Variants in WASHC5 observed in about 807,000 individuals in gnomAD.
WASHC5 encodes the protein WASH complex subunit strumpellin.
In WASHC5, 101 loss-of-function variants were observed where a neutral mutation model predicts 150.4. The ratio of observed to expected loss-of-function variants is 0.67; its 90% CI spans 0.57 to 0.79. WASHC5 has a LOEUF of 0.79. Ranked by LOEUF, WASHC5 falls within the 30% of genes least tolerant of loss-of-function variation. The pLI is 0.00. For synonymous variants in WASHC5, 467 were observed against 491.2 expected (o/e 0.95, Z 0.65); for missense variants, 1,195 against 1,396.3 (o/e 0.86, Z 2.30).
At chr8:125,030,962 G>A (rs1352340841) in intron 27 of WASHC5, among the ~76,000 whole-genome samples, 2 of 152,210 alleles carry the variant, frequency 1.3e-5, no homozygotes, top group African/African-American at 4.8e-5. Flanking sequence ...AAAGGAGGGA[G>A]ACTGCATTAT....
chr8:125,043,690 A>C, intron 23 of WASHC5, 135 bp downstream of exon 23: 1 of 689,778 alleles, frequency 1.4e-6, no homozygotes, highest in Non-Finnish European at 2.6e-6. Flanking sequence ...TAAAATGATA[A>C]ACTGAAGTAT....
rs961465401 is a variant in WASHC5 at position 125,037,093 on chromosome 8, C to T, written c.3181+144G>A. ...ATAAAAAGGCATTGTATTTCAAAGG[C>T]ATAAAGACTCGAATTTCATAAACAT... On this transcript the variant is annotated intron_variant, in intron 26 of 28. Coordinates refer to ENST00000318410, the MANE Select transcript of WASHC5 (RefSeq NM_014846.4). 9 of 647,292 alleles carry T rather than the reference C, an allele frequency of 1.4e-5. No individual in the cohort carries two copies. The African/African-American group carries it at 1.5e-4, about 11-fold the overall frequency. 40.1% of individuals were successfully genotyped at this position (647,292 alleles called of 1,614,324 possible).
intron 10 of WASHC5, among the ~76,000 whole-genome samples, chr8:125,064,656 TA>T (rs1816696731): frequency 6.6e-6 from 1 of 152,040 alleles, no homozygotes; most frequent in African/African-American, 2.4e-5. Context: ...TATTTCTCAC[TA>T]AAGGACACGC....
intron 12 of WASHC5, among the ~76,000 whole-genome samples, chr8:125,060,850 T>C (rs774819386): frequency 2.6e-5 from 4 of 152,228 alleles, no homozygotes; most frequent in Non-Finnish European, 4.4e-5. Context: ...GTTTCTAAGA[T>C]TACATGTTTC....
At chr8:125,052,928 GT>G (rs1295672376) in intron 17 of WASHC5, among the ~76,000 whole-genome samples, 1 of 152,050 alleles carries the variant, frequency 6.6e-6, no homozygotes, top group Non-Finnish European at 1.5e-5. Context: ...TACTTCAAAT[GT>G]GCTCAGAACA....
intron 26 of WASHC5, among the ~76,000 whole-genome samples, chr8:125,036,153 T>C (rs1336876930): frequency 2.0e-5 from 3 of 152,238 alleles, no homozygotes; most frequent in African/African-American, 7.2e-5. Context: ...TAAATATTAG[T>C]CTTATCTCCT....
At position 125,032,300 on chromosome 8, in the gene WASHC5, G is replaced by A. The variant is rs554772608; in HGVS notation, c.3276C>T (p.Thr1092=). Residue 1092 remains threonine (T), a synonymous_variant, in exon 27 of 29, where the codon ACC becomes ACT. Coordinates refer to ENST00000318410, the MANE Select transcript of WASHC5 (RefSeq NM_014846.4). ...TLLKQFHSRY[T]EQFLALIGQF... ...GGCCAATCAGCGCCAGGAACTGCTC[G>A]GTGTACCGGGAATGGAACTGCTTCA... is the stretch of plus-strand genomic sequence containing the variant. The A allele has an allele frequency of 2.2e-5, 35 of 1,614,144 alleles. No individual in the cohort carries two copies. Among genetic ancestry groups the A allele is most frequent in the South Asian group, 2.0e-4 (18 of 91,088 alleles).
intron 18 of WASHC5, among the ~76,000 whole-genome samples, chr8:125,049,908 T>C (rs1816188996): frequency 6.6e-6 from 1 of 151,746 alleles, no homozygotes; most frequent in African/African-American, 2.4e-5. Context: ...ATACTTTAAG[T>C]TTTGGAATAC....
Position 125,043,861 on chromosome 8 carries a change from CTG to C in WASHC5, c.2812_2813del (p.Gln938GlufsTer26), listed in dbSNP as rs1360638390. On this transcript the variant is annotated frameshift_variant, in exon 23 of 29. Transcript: ENST00000318410. LOFTEE classifies it high-confidence loss of function. Reference protein sequence around the residue: ...KIYFSAIAKTQKIWTAYLEAI... With the variant: ...KIYFSAIAKTXKIWTAYLEAI... Reference sequence around the variant, plus strand: ...CCTCGAGATACGCAGTCCAAATCTTCTGTGTTTTGGCAATGGCGGAAAAATAA... The same window carrying C: ...CCTCGAGATACGCAGTCCAAATCTTCTGTTTTGGCAATGGCGGAAAAATAA... The C allele has an allele frequency of 6.2e-7, 1 of 1,612,870 alleles. No homozygotes were observed. Among genetic ancestry groups the C allele is most frequent in the Non-Finnish European group, 8.5e-7 (1 of 1,179,010 alleles).
At chr8:125,066,867 TC>T (rs1206989163) in intron 10 of WASHC5, among the ~76,000 whole-genome samples, 1 of 152,200 alleles carries the variant, frequency 6.6e-6, no homozygotes, top group Non-Finnish European at 1.5e-5. Flanking sequence ...CACTAACAGA[TC>T]CCTTCCCCAG....
rs148051657 is a variant in WASHC5 at position 125,043,664 on chromosome 8, T to C, written c.2850+161A>G. 3.3e-3 allele frequency among the ~76,000 whole-genome samples: 507 copies of C among 152,318 alleles called. 1 individual carries two copies. The highest frequency in any genetic ancestry group is 0.012 in the African/African-American group (486 of 41,572). On this transcript the variant is annotated intron_variant, in intron 23 of 28. Transcript: ENST00000318410. Reference sequence around the variant, plus strand: ...TCAAGAACAGATCCAGAAACGGAGATAAACAAAATGAATTTTAAAATGATA... The same window carrying C: ...TCAAGAACAGATCCAGAAACGGAGACAAACAAAATGAATTTTAAAATGATA...
At position 125,059,271 on chromosome 8, in the gene WASHC5, A is replaced by T; in HGVS notation, c.1715T>A (p.Ile572Lys). 6.2e-7 allele frequency: 1 copy of T among 1,614,106 alleles called. No individual in the cohort carries two copies. The highest frequency in any genetic ancestry group is 8.5e-7 in the Non-Finnish European group (1 of 1,179,962). Residue 572 changes from isoleucine to lysine, a missense_variant, in exon 14 of 29, where the codon ATA becomes AAA. Physicochemically the swap from Ile to Lys is moderately radical, Grantham distance 102 (BLOSUM62 -3). Transcript: ENST00000318410. ...DSFTSIMQES[I>K]RVNPSMVTKL... Reference sequence around the variant, plus strand: ...AGTAACCATGGATGGATTTACCCTTATGCTTTCTTGCATGATGGATGTGAA... The same window carrying T: ...AGTAACCATGGATGGATTTACCCTTTTGCTTTCTTGCATGATGGATGTGAA...
In WASHC5 at chr8:125,047,197, G is replaced by A; in HGVS notation, c.2504+10C>T. 1 of 1,613,846 alleles carries A rather than the reference G, an allele frequency of 6.2e-7. No individual in the cohort carries two copies. The highest frequency in any genetic ancestry group is 8.5e-7 in the Non-Finnish European group (1 of 1,179,826). ...GTATTCAGGGCTCTGTAGAATTCAG[G>A]TACACCTACTTTGGGTCTGTGATCC... On this transcript the variant is annotated intron_variant, in intron 20 of 28. Transcript: ENST00000318410.
chr8:125,036,275 C>T (rs1319254222), intron 26 of WASHC5, among the ~76,000 whole-genome samples: 2 of 152,222 alleles, frequency 1.3e-5, no homozygotes, highest in African/African-American at 2.4e-5. Context: ...CCACAATTAG[C>T]TGCCTAAACA....
rs1477833712 is a variant in WASHC5, at chr8:125,037,835, C to CA, written c.3085-503_3085-502insT. Among the ~76,000 whole-genome samples the CA allele has an allele frequency of 2.6e-5, 4 of 152,254 alleles. No individual in the cohort carries two copies. The East Asian group carries it at 7.7e-4, about 29-fold the overall frequency. ...CAAAGTTCTTCTTGTCATTTGCTGT[C>CA]CCCTAGGCAATGTCACAGAGCAGTC... On this transcript the variant is annotated intron_variant, in intron 25 of 28. Transcript: ENST00000318410.
Position 125,059,524 on chromosome 8 carries a change from A to C in WASHC5, c.1540T>G (p.Leu514Val). 1 of 1,613,176 alleles carries C rather than the reference A, an allele frequency of 6.2e-7. No homozygotes were observed. Among genetic ancestry groups the C allele is most frequent in the South Asian group, 1.1e-5 (1 of 91,064 alleles). The part of the protein sequence containing the change: ...ALEEVQEFHQ[L>V]ESNLQVCQFL... ...TGACATACTTGCAGATTGGATTCCA[A>C]CTGGTGGAATTCTTGAACCTGTGTT... is the stretch of plus-strand genomic sequence containing the variant. Residue 514 changes from leucine to valine, a missense_variant, in exon 13 of 29, where the codon TTG becomes GTG. Leu to Val is a conservative substitution (Grantham distance 32). Transcript: ENST00000318410.
At chr8:125,030,213 A>G (rs995760513) in intron 27 of WASHC5, among the ~76,000 whole-genome samples, 2 of 152,142 alleles carry the variant, frequency 1.3e-5, no homozygotes, top group Non-Finnish European at 2.9e-5. Context: ...GTTACTTGCT[A>G]ATCACCTCCG....
At chr8:125,049,317 G>A (rs1287331554) in intron 18 of WASHC5, 132 bp from the exon 19 acceptor site, 2 of 911,796 alleles carry the variant, frequency 2.2e-6, no homozygotes, top group Admixed American at 2.0e-5. Context: ...CCAGCACTTT[G>A]GGAGGCTTAG....
At chr8:125,081,008 T>C (rs1407705404) in intron 5 of WASHC5, among the ~76,000 whole-genome samples, 2 of 152,124 alleles carry the variant, frequency 1.3e-5, no homozygotes, top group African/African-American at 2.4e-5. Context: ...TAATCTTCAT[T>C]AGATTTCTAA....
Sources: allele counts gnomAD v4.1 joint callset (sites outside exome capture counted in the v4.1 genomes callset), GRCh38; gene constraint gnomAD v4.1.1; transcripts MANE v1.5; gene names NCBI Gene and HGNC (gene_info 2026-07-23, HGNC 2026-07-21).